ABR: variants seen among roughly 807,000 people sequenced by gnomAD.
The protein encoded by ABR is ABR activator of RhoGEF and GTPase.
A neutral mutation model predicts 107.2 loss-of-function variants in ABR; 35 were observed. The observed-to-expected ratio is 0.33, with a 90% confidence interval of 0.25 to 0.43. The LOEUF (loss-of-function observed/expected upper bound fraction) is 0.43. Among genes scored for constraint, ABR ranks in the 20% least tolerant of loss-of-function variants. The pLI, the probability that ABR is intolerant of heterozygous loss-of-function variation, is 1.00. For synonymous variants in ABR, 498 were observed against 462.0 expected (o/e 1.08, Z -1.00); for missense variants, 815 against 1,115.2 (o/e 0.73, Z 3.83).
At chr17:1,174,469 G>A (rs1449406487) in intron 1 of ABR, among the ~76,000 whole-genome samples, 1 of 152,120 alleles carries the variant, frequency 6.6e-6, no homozygotes, top group Non-Finnish European at 1.5e-5. Context: ...GTGGGGCTCA[G>A]ATGAGAAACT....
At chr17:1,189,928 C>T (rs28569790), upstream of ABR, among the ~76,000 whole-genome samples, 93,871 of 151,750 alleles carry the variant, frequency 0.62, 30,617 homozygotes, top group Middle Eastern at 0.79. Context: ...AATGACCAAG[C>T]ATATTCCTGG....
At chr17:1,146,627 ACT>A in intron 1 of ABR, among the ~76,000 whole-genome samples, 2 of 32,732 alleles carry the variant, frequency 6.1e-5, no homozygotes, top group Non-Finnish European at 1.3e-4. Context: ...CACTGCCACC[ACT>A]GCCACATGCC....
chr17:1,151,345 C>G (rs2040785013), intron 1 of ABR, among the ~76,000 whole-genome samples: 1 of 152,182 alleles, frequency 6.6e-6, no homozygotes, highest in Admixed American at 6.5e-5. Flanking sequence ...CTGCTGAGAA[C>G]TCATCTGACA....
Position 1,012,753 on chromosome 17 carries a change from G to C in ABR, c.1896C>G (p.Ser632Arg). Residue 632 changes from serine (S) to arginine (R), a missense_variant, in exon 18 of 23, where the codon AGC (serine) becomes AGG (arginine). By Grantham distance (110) the Ser-to-Arg change is moderately radical. Transcript: ENST00000302538. ...GCTTTTTGGACGGGGTCCTCTTCAG[G>C]CTCATATCTCGGCTGGTGAATTTCA... ...FSMKFTSRDM[S>R]LKRTPSKKQT... The C allele has an allele frequency of 6.3e-7, 1 of 1,598,770 alleles. No homozygotes were observed. Among genetic ancestry groups the C allele is most frequent in the Non-Finnish European group, 8.5e-7 (1 of 1,172,032 alleles).
At chr17:1,034,946 C>T (rs2073056673) in intron 16 of ABR, among the ~76,000 whole-genome samples, 1 of 152,048 alleles carries the variant, frequency 6.6e-6, no homozygotes, top group Non-Finnish European at 1.5e-5. Flanking sequence ...CAATACTTGT[C>T]TAGGTAAAGC....
intron 16 of ABR, among the ~76,000 whole-genome samples, chr17:1,048,811 G>A (rs1412471025): frequency 1.3e-5 from 2 of 151,714 alleles, no homozygotes; most frequent in Non-Finnish European, 2.9e-5. Context: ...GAAGCTCGGC[G>A]CCCAGCTGTG....
intron 1 of ABR, among the ~76,000 whole-genome samples, chr17:1,160,080 C>T (rs923113746): frequency 6.6e-6 from 1 of 152,030 alleles, no homozygotes; most frequent in African/African-American, 2.4e-5. Flanking sequence ...GGAGGTAGGG[C>T]GCAGGAGGAA....
chr17:1,220,568 A>G (rs1598149591), intron 1 of ABR, among the ~76,000 whole-genome samples: 1 of 152,148 alleles, frequency 6.6e-6, no homozygotes, highest in South Asian at 2.1e-4. Context: ...TGATTCTAGT[A>G]TGGTATACAG....
At chr17:1,135,377 C>CTTTTTTTTT (rs71148437) in intron 1 of ABR, among the ~76,000 whole-genome samples, 7 of 51,410 alleles carry the variant, frequency 1.4e-4, no homozygotes, top group Admixed American at 2.3e-4. Flanking sequence ...TTCTTTTTGT[C>CTTTTTTTTT]TTTTTTTTTT....
Position 1,050,817 on chromosome 17 carries a change from G to A in ABR, c.1562-183C>T, listed in dbSNP as rs1403273206. Among the ~76,000 whole-genome samples, 1 of 151,782 alleles carries A rather than the reference G, an allele frequency of 6.6e-6. No homozygotes were observed. Among genetic ancestry groups the A allele is most frequent in the Non-Finnish European group, 1.5e-5 (1 of 67,932 alleles). ...GCTTCTCCCCTGCCCCCTTCTTAGG[G>A]GCTCAGCCCTCCCCACCTCGGCTCA... On this transcript the variant is annotated intron_variant, in intron 14 of 22. Transcript: ENST00000302538. The surrounding 1 kb of genome is among the most constrained non-coding windows in gnomAD (Gnocchi z 4.6).
intron 1 of ABR, among the ~76,000 whole-genome samples, chr17:1,128,390 G>T (rs935990759): frequency 1.3e-5 from 2 of 152,230 alleles, no homozygotes; most frequent in African/African-American, 4.8e-5. Flanking sequence ...GGCAAAGGCT[G>T]CTGGCAGCCA....
chr17:1,071,789 G>A lies in ABR; in HGVS notation c.894+825C>T, dbSNP rs901775918. Among the ~76,000 whole-genome samples, 18 of 152,240 alleles carry A rather than the reference G, an allele frequency of 1.2e-4. No individual in the cohort carries two copies. The highest frequency in any genetic ancestry group is 3.1e-4 in the African/African-American group (13 of 41,472). On this transcript the variant is annotated intron_variant, in intron 8 of 22. Coordinates refer to ENST00000302538, the MANE Select transcript of ABR (RefSeq NM_021962.5). This position sits in a 1 kb window ranked among gnomAD's most constrained non-coding sequence, Gnocchi z 5.1. ...TGAGGCACCCGGAGGCCACTTCCCC[G>A]GCGTGGGCCTCCAGACAGTCCCAGG...
At chr17:1,140,384 A>C (rs1309653723) in intron 1 of ABR, among the ~76,000 whole-genome samples, 1 of 152,104 alleles carries the variant, frequency 6.6e-6, no homozygotes, top group East Asian at 1.9e-4. Flanking sequence ...CAGAGTCTGG[A>C]CCACAGGTGT....
At chr17:1,180,155 G>A (rs1029785186), upstream of ABR, among the ~76,000 whole-genome samples, 7 of 151,818 alleles carry the variant, frequency 4.6e-5, no homozygotes, top group Non-Finnish European at 1.0e-4. Context: ...GGCGCTGGGC[G>A]AGGAGGGGCC....
At chr17:1,109,106 G>A (rs1232299024) in intron 2 of ABR, 3 of 1,584,774 alleles carry the variant, frequency 1.9e-6, no homozygotes, top group Non-Finnish European at 2.6e-6. Context: ...AGGAAGCGGG[G>A]TCCACGCAGC....
chr17:1,177,667 C>T (rs373575186), intron 1 of ABR, among the ~76,000 whole-genome samples: 81 of 152,236 alleles, frequency 5.3e-4, no homozygotes, highest in African/African-American at 1.6e-3. Context: ...GGGTTCCATA[C>T]GATTCCAGGC....
At chr17:1,031,856 C>T in intron 16 of ABR, 2 of 1,109,424 alleles carry the variant, frequency 1.8e-6, no homozygotes, top group South Asian at 9.8e-5. Flanking sequence ...TCGCCTCCCT[C>T]CCTCCCTCCC....
Position 1,179,874 on chromosome 17 carries a change from C to A in ABR, c.-147G>T, listed in dbSNP as rs1598069276. Reference sequence around the variant, plus strand: ...CCAGGTCCCCGGGAGGAGCGCGGGGCGGCCGGGGCAGGGGCGAGGGCGGGG... The same window carrying A: ...CCAGGTCCCCGGGAGGAGCGCGGGGAGGCCGGGGCAGGGGCGAGGGCGGGG... On this transcript the variant is annotated 5_prime_UTR_variant, in exon 1 of 23. Coordinates refer to ENST00000302538, the MANE Select transcript of ABR (RefSeq NM_021962.5). This position sits in a 1 kb window ranked among gnomAD's most constrained non-coding sequence, Gnocchi z 4.9. The A allele has an allele frequency of 5.7e-6, 4 of 697,432 alleles. No homozygotes were observed. The highest frequency in any genetic ancestry group is 3.8e-5 in the East Asian group (1 of 26,558). 43.2% of individuals were successfully genotyped at this position (697,432 alleles called of 1,614,324 possible).
chr17:1,115,186 C>G (rs12952217), intron 2 of ABR: 24,713 of 152,228 alleles, frequency 0.16, 2,063 homozygotes, highest in East Asian at 0.26. Context: ...CATCAGATGA[C>G]TCTTTCTAAA....
Sources: gnomAD v4.1 joint callset for allele counts (sites outside exome capture counted in the v4.1 genomes callset) on GRCh38, gnomAD v4.1.1 for gene constraint, Gnocchi (gnomAD v3.1) non-coding constraint, MANE v1.5 for transcripts, NCBI Gene and HGNC (gene_info 2026-07-23, HGNC 2026-07-21) for gene names.